The following SPAG5 variants were observed in gnomAD, a reference collection of about 807,000 sequenced individuals.
SPAG5 encodes the protein sperm-associated antigen 5.
SPAG5 carries 99 observed loss-of-function variants against 145.4 expected under a neutral mutation model. The observed-to-expected ratio is 0.68, with a 90% CI of 0.58 to 0.80. SPAG5 has a LOEUF of 0.80. Ranked by LOEUF, SPAG5 falls within the 30% of genes least tolerant of loss-of-function variation. The pLI is 0.00. For synonymous variants in SPAG5, 477 were observed against 525.4 expected (o/e 0.91, Z 1.26); for missense variants, 1,192 against 1,416.0 (o/e 0.84, Z 2.54).
In SPAG5 at chr17:28,595,495, C is replaced by T. The variant is rs189654218; in HGVS notation, c.178-2429G>A. On this transcript the variant is annotated intron_variant, in intron 2 of 23. Coordinates refer to ENST00000321765, the MANE Select transcript of SPAG5 (RefSeq NM_006461.4). ...AGGTGCAGTGGCCCACGCCTGTAAT[C>T]CCAGCACTTTGGGAGGCCAAGGAGG... Among the ~76,000 whole-genome samples, 489 of 152,316 alleles carry T rather than the reference C, an allele frequency of 3.2e-3. 6 individuals are homozygous for T. The highest frequency in any genetic ancestry group is 0.031 in the Admixed American group (468 of 15,292).
In SPAG5 at chr17:28,591,572, C is replaced by A. The variant is rs2070620771; in HGVS notation, c.1437+126G>T. ...CAGCCATTGTGACTGCCCAGATTCTCAGCTTTTGCAAATGTTCTAAGTATA... is the reference window on the plus strand; with the variant it reads ...CAGCCATTGTGACTGCCCAGATTCTAAGCTTTTGCAAATGTTCTAAGTATA... On this transcript the variant is annotated intron_variant, in intron 4 of 23. Coordinates refer to ENST00000321765, the MANE Select transcript of SPAG5 (RefSeq NM_006461.4). 3.2e-6 allele frequency: 3 copies of A among 927,698 alleles called. 1 individual carries two copies. In the South Asian group the frequency reaches 5.3e-5, roughly 16 times the overall value. The allele number at this position is 927,698 out of a possible 1,614,324, so 57.5% of individuals were successfully genotyped here.
intron 2 of SPAG5, among the ~76,000 whole-genome samples, chr17:28,596,661 T>A (rs577306591): frequency 6.6e-6 from 1 of 152,088 alleles, no homozygotes; most frequent in African/African-American, 2.4e-5. Context: ...AGAGCAAAAC[T>A]GCATCTCAAA....
rs546549488 is a variant in SPAG5 at position 28,579,783 on chromosome 17, C to T, written c.2852G>A (p.Arg951Gln). Residue 951 changes from arginine (R) to glutamine (Q), a missense_variant, in exon 17 of 24, where the codon CGA becomes CAA. By Grantham distance (43) the Arg-to-Gln change is conservative. Around this residue, in one of 5 missense-constraint regions of SPAG5, gnomAD observed 709 missense variants for 840.7 expected, o/e 0.84. Transcript: ENST00000321765. Reference sequence around the variant, plus strand: ...CTGAAGGGAAACCATTGATGCTACTCGGGTGAAAGCACTCTTGTCACTTCC... The same window carrying T: ...CTGAAGGGAAACCATTGATGCTACTTGGGTGAAAGCACTCTTGTCACTTCC... Reference protein sequence around the residue: ...LLGSDKSAFTRVASMVSLQPA... With the variant: ...LLGSDKSAFTQVASMVSLQPA... The T allele has an allele frequency of 3.1e-6, 5 of 1,614,210 alleles. No individual in the cohort carries two copies. Among genetic ancestry groups the T allele is most frequent in the East Asian group, 2.2e-5 (1 of 44,892 alleles).
In SPAG5 at chr17:28,581,254, A is replaced by G. The variant is rs2070547440; in HGVS notation, c.2686-1134T>C. 5.3e-5 allele frequency among the ~76,000 whole-genome samples: 8 copies of G among 152,290 alleles called. No individual in the cohort carries two copies. In the South Asian group the frequency reaches 1.7e-3, roughly 32 times the overall value. Reference sequence around the variant, plus strand: ...CCAAAAAGCCAAAAATACTTATTATATGGCCATTTATAGGAAAAGCTTGCT... The same window carrying G: ...CCAAAAAGCCAAAAATACTTATTATGTGGCCATTTATAGGAAAAGCTTGCT... On this transcript the variant is annotated intron_variant, in intron 15 of 23. Transcript: ENST00000321765.
At position 28,584,220 on chromosome 17, in the gene SPAG5, A is replaced by G; in HGVS notation, c.2342T>C (p.Met781Thr). 1.2e-6 allele frequency: 2 copies of G among 1,613,950 alleles called. No homozygotes were observed. Among genetic ancestry groups the G allele is most frequent in the East Asian group, 4.5e-5 (2 of 44,886 alleles). The stretch of plus-strand genomic sequence containing the variant: ...TTGTTGCTGCTGCAGTTCTGCCTGC[A>G]TGTGTTTTAGTGCCATCTCTTCCTT... ...WQKEEMALKH[M>T]QAELQQQQAV... The change falls in exon 13 of 24, where the codon ATG becomes ACG. Residue 781 changes from methionine to threonine, a missense_variant. By Grantham distance (81) the Met-to-Thr change is moderately conservative (BLOSUM62 -1). Coordinates refer to ENST00000321765, the MANE Select transcript of SPAG5 (RefSeq NM_006461.4).
chr17:28,578,652 G>C lies in SPAG5; in HGVS notation c.3198+20C>G. On this transcript the variant is annotated intron_variant, in intron 20 of 23. Transcript: ENST00000321765. ...CCAGTAACACAGAAGGCAAAGGCCT[G>C]GGCATGATGGTGAACATACTATGAG... The C allele has an allele frequency of 1.2e-6, 2 of 1,611,960 alleles. No individual in the cohort carries two copies. Among genetic ancestry groups the C allele is most frequent in the Non-Finnish European group, 8.5e-7 (1 of 1,178,106 alleles).
intron 8 of SPAG5, 26 bp downstream of exon 8, chr17:28,585,508 C>T: frequency 1.2e-6 from 2 of 1,613,916 alleles, no homozygotes; most frequent in Non-Finnish European, 1.7e-6. Context: ...GCACAGACCC[C>T]AGGAAAGAAA....
chr17:28,588,416 A>G (rs987248462), intron 4 of SPAG5, among the ~76,000 whole-genome samples: 1 of 152,230 alleles, frequency 6.6e-6, no homozygotes, highest in Non-Finnish European at 1.5e-5. Flanking sequence ...ACAAGAGGAA[A>G]GGACACAAAG....
In SPAG5 at chr17:28,592,873, T is replaced by G. The variant is rs1202118355; in HGVS notation, c.371A>C (p.Asn124Thr). 6.2e-7 allele frequency: 1 copy of G among 1,614,106 alleles called. No homozygotes were observed. The highest frequency in any genetic ancestry group is 2.2e-5 in the East Asian group (1 of 44,906). Residue 124 changes from asparagine to threonine, a missense_variant, in exon 3 of 24, where the codon AAT becomes ACT. By Grantham distance (65) the Asn-to-Thr change is moderately conservative (BLOSUM62 0). Transcript: ENST00000321765. ...TSEEAVDPLGNYMVKTIVLVP... is the reference protein window; with the variant it reads ...TSEEAVDPLGTYMVKTIVLVP... The stretch of plus-strand genomic sequence containing the variant: ...AAGGACGATGGTTTTAACCATATAA[T>G]TGCCCAGTGGGTCTACTGCTTCCTC...
intron 2 of SPAG5, among the ~76,000 whole-genome samples, chr17:28,596,209 A>T (rs1162442635): frequency 6.6e-6 from 1 of 152,142 alleles, no homozygotes; most frequent in Non-Finnish European, 1.5e-5. Flanking sequence ...TCAAAAAAAA[A>T]AAAATTTTTA....
At position 28,598,983 on chromosome 17, in the gene SPAG5, A is replaced by C; in HGVS notation, c.-37T>G. 1.2e-6 allele frequency: 2 copies of C among 1,606,320 alleles called. No homozygotes were observed. Among genetic ancestry groups the C allele is most frequent in the East Asian group, 2.2e-5 (1 of 44,842 alleles). On this transcript the variant is annotated 5_prime_UTR_variant, in exon 1 of 24. Coordinates refer to ENST00000321765, the MANE Select transcript of SPAG5 (RefSeq NM_006461.4). ...AGGCAGGCCTATCACGTCTCAGACCAAGTCGAGGACGCCATGTTCACCCGC... is the reference window on the plus strand; with the variant it reads ...AGGCAGGCCTATCACGTCTCAGACCCAGTCGAGGACGCCATGTTCACCCGC...
rs1567622107 is a variant in SPAG5, at chr17:28,578,209, CAT to C, written c.3429+7_3429+8del. 3.7e-6 allele frequency: 6 copies of C among 1,614,042 alleles called. No individual in the cohort carries two copies. The South Asian group carries it at 6.6e-5, about 18-fold the overall frequency. ...GGAAATGGCCCTGGAATGGCATGGA[CAT>C]TCTTACATGGCTCTGGAACTTGATC... On this transcript the variant is annotated splice_region_variant and intron_variant, in intron 22 of 23. Coordinates refer to ENST00000321765, the MANE Select transcript of SPAG5 (RefSeq NM_006461.4).
intron 4 of SPAG5, among the ~76,000 whole-genome samples, chr17:28,590,011 G>A (rs1450814549): frequency 1.3e-5 from 2 of 152,114 alleles, no homozygotes; most frequent in Non-Finnish European, 2.9e-5. Context: ...TCCTTTGACC[G>A]GAAGGCTTTA....
intron 18 of SPAG5, 21 bp downstream of exon 18, chr17:28,579,344 C>T: frequency 6.2e-7 from 1 of 1,613,912 alleles, no homozygotes. Flanking sequence ...CCCTCTGTCA[C>T]CAAAACTGCA....
At chr17:28,591,540 C>T (rs1189624203) in intron 4 of SPAG5, among the ~76,000 whole-genome samples, 158 bp downstream of exon 4, 1 of 152,350 alleles carries the variant, frequency 6.6e-6, no homozygotes, top group East Asian at 1.9e-4. Flanking sequence ...AGTGGGATTA[C>T]AGGCATCAGC....
chr17:28,578,508 G>A lies in SPAG5; in HGVS notation c.3219C>T (p.Thr1073=), dbSNP rs888786230. The A allele has an allele frequency of 1.9e-6, 3 of 1,610,956 alleles. No homozygotes were observed. Among genetic ancestry groups the A allele is most frequent in the African/African-American group, 2.7e-5 (2 of 74,902 alleles). Reference sequence around the variant, plus strand: ...CACGCCGAAGTGAGCGGGTAAGGTGGGTCACCTCCTCTCTAAGGCTCTGGG... The same window carrying A: ...CACGCCGAAGTGAGCGGGTAAGGTGAGTCACCTCCTCTCTAAGGCTCTGGG... ...GELISLREEV[T]HLTRSLRRAE... is the part of the protein sequence containing the mutation. The change falls in exon 21 of 24, where the codon ACC becomes ACT. Residue 1073 remains threonine (T), a synonymous_variant. Transcript: ENST00000321765.
chr17:28,581,994 T>C (rs2070551850), intron 15 of SPAG5, among the ~76,000 whole-genome samples: 1 of 152,186 alleles, frequency 6.6e-6, no homozygotes. Context: ...TAACTTACTC[T>C]CACATCAAAT....
Position 28,585,125 on chromosome 17 carries a change from C to A in SPAG5, c.2044G>T (p.Val682Leu). The change falls in exon 10 of 24, where the codon GTG becomes TTG. Residue 682 changes from valine (V) to leucine (L), a missense_variant. Val to Leu is a conservative substitution (Grantham distance 32, BLOSUM62 1). Around this residue, in one of 5 missense-constraint regions of SPAG5, gnomAD observed 709 missense variants for 840.7 expected, o/e 0.84. Transcript: ENST00000321765. The stretch of plus-strand genomic sequence containing the variant: ...ACCTCCTGCTTTTCCTCAATTGCCA[C>A]ATCACGTTCCTGCAGGGCTTGCTGG... Reference protein sequence around the residue: ...KSQQALQERDVAIEEKQEVSR... With the variant: ...KSQQALQERDLAIEEKQEVSR... 6.2e-7 allele frequency: 1 copy of A among 1,614,212 alleles called. No homozygotes were observed. Among genetic ancestry groups the A allele is most frequent in the African/African-American group, 1.3e-5 (1 of 75,054 alleles).
rs146141327 is a variant in SPAG5 at position 28,592,687 on chromosome 17, G to C, written c.557C>G (p.Ala186Gly). 53 of 1,614,080 alleles carry C rather than the reference G, an allele frequency of 3.3e-5. No homozygotes were observed. Among genetic ancestry groups the C allele is most frequent in the Non-Finnish European group, 4.5e-5 (53 of 1,180,046 alleles). Residue 186 changes from alanine to glycine, a missense_variant, in exon 3 of 24, where the codon GCT becomes GGT. Physicochemically the swap from Ala to Gly is moderately conservative, Grantham distance 60 (BLOSUM62 0). Coordinates refer to ENST00000321765, the MANE Select transcript of SPAG5 (RefSeq NM_006461.4). The stretch of plus-strand genomic sequence containing the variant: ...AAAGATAGGTTTCTCAGATACAGCA[G>C]CAACTTCTGAAAACCTGTCTCCCAT... ...PCMGDRFSEV[A>G]AVSEKPIFQE...
Sources: gnomAD v4.1 joint callset for allele counts (sites outside exome capture counted in the v4.1 genomes callset) on GRCh38, gnomAD v4.1.1 for gene constraint, gnomAD v4.1.1 regional missense constraint, MANE v1.5 for transcripts, NCBI Gene and HGNC (gene_info 2026-07-23, HGNC 2026-07-21) for gene names.